Variants in SIAE observed in about 807,000 individuals in gnomAD.
The protein encoded by SIAE is sialic acid acetylesterase, also known as sialate O-acetylesterase.
SIAE carries 39 observed loss-of-function variants against 52.6 expected under a neutral mutation model. The ratio of observed to expected loss-of-function variants is 0.74; its 90% confidence interval spans 0.57 to 0.97. The LOEUF (loss-of-function observed/expected upper bound fraction) is 0.97, where lower values mean the gene tolerates loss of function less well. SIAE is among the 50% of genes least tolerant of loss of function. The pLI, the probability that SIAE is intolerant of heterozygous loss-of-function variation, is 0.00. For missense variants in SIAE, 592 were observed against 662.1 expected, an observed-to-expected ratio of 0.89 and a Z score of 1.16; for synonymous variants, 233 against 241.4, an observed-to-expected ratio of 0.97 and a Z score of 0.32.
Position 124,638,622 on chromosome 11 carries a change from G to T in SIAE, c.1240C>A (p.Leu414Ile), listed in dbSNP as rs761097909. Residue 414 changes from leucine to isoleucine, a missense_variant, in exon 9 of 10, where the codon CTC (leucine) becomes ATC (isoleucine). Transcript: ENST00000263593. Reference sequence around the variant, plus strand: ...TTGAGCAGCCCCTTGTGAGCCAAGAGTTCTATCTTCTCAGGCAGTGGTCCT... The same window carrying T: ...TTGAGCAGCCCCTTGTGAGCCAAGATTTCTATCTTCTCAGGCAGTGGTCCT... ...FEGPLPEKIELLAHKGLLNLT... is the reference protein window; with the variant it reads ...FEGPLPEKIEILAHKGLLNLT... 5 of 1,614,034 alleles carry T rather than the reference G, an allele frequency of 3.1e-6. No homozygotes were observed. Among genetic ancestry groups the T allele is most frequent in the Middle Eastern group, 3.3e-4 (2 of 6,084 alleles).
chr11:124,671,422 A>G (rs1943353760), intron 1 of SIAE, among the ~76,000 whole-genome samples: 1 of 152,218 alleles, frequency 6.6e-6, no homozygotes, highest in Non-Finnish European at 1.5e-5. Flanking sequence ...CTTCCATTCT[A>G]CTAGAGACTT....
At chr11:124,669,212 C>A (rs1322192896) in intron 2 of SIAE, 148 bp downstream of exon 2, 5 of 1,092,968 alleles carry the variant, frequency 4.6e-6, no homozygotes, top group Admixed American at 1.9e-5. Flanking sequence ...AAGCACATGG[C>A]AAATATTCAA....
intron 3 of SIAE, 56 bp downstream of exon 3, chr11:124,660,569 CCTT>C: frequency 1.3e-6 from 2 of 1,584,738 alleles, no homozygotes; most frequent in Non-Finnish European, 1.7e-6. Flanking sequence ...CCTTATTCCT[CCTT>C]CTTTTCCTTC....
chr11:124,658,359 T>C (rs1943132094), intron 3 of SIAE, among the ~76,000 whole-genome samples: 1 of 151,048 alleles, frequency 6.6e-6, no homozygotes, highest in African/African-American at 2.4e-5. Context: ...AGGAGATAAC[T>C]ATTAAAAAAA....
intron 3 of SIAE, 148 bp from the exon 4 acceptor site, chr11:124,654,941 C>G: frequency 1.2e-6 from 1 of 859,804 alleles, no homozygotes; most frequent in Admixed American, 1.9e-5. Context: ...ACTGAATCAC[C>G]TTGATCCACT....
chr11:124,639,815 C>T lies in SIAE; in HGVS notation c.1019G>A (p.Arg340His), dbSNP rs771710413. ...KSSDDGFPQI[R>H]WHQTADFGYV... ...GCCGAAGTCTGCTGTTTGATGCCAA[C>T]GGATCTGGGGAAATCCATCGTCTGA... Residue 340 changes from arginine to histidine, a missense_variant, in exon 8 of 10, where the codon CGT becomes CAT. Arg to His is a conservative substitution (Grantham distance 29). Coordinates refer to ENST00000263593, the MANE Select transcript of SIAE (RefSeq NM_170601.5). 38 of 1,614,088 alleles carry T rather than the reference C, an allele frequency of 2.4e-5. No individual in the cohort carries two copies. The highest frequency in any genetic ancestry group is 5.3e-5 in the African/African-American group (4 of 74,926).
At chr11:124,643,865 G>T (rs993627492) in intron 7 of SIAE, among the ~76,000 whole-genome samples, 75 of 151,420 alleles carry the variant, frequency 5.0e-4, no homozygotes, top group African/African-American at 1.6e-3. Context: ...ATTTTTTTTT[G>T]ACTCCATTTC....
Position 124,638,620 on chromosome 11 carries a change from G to A in SIAE, c.1242C>T (p.Leu414=), listed in dbSNP as rs775630164. The A allele has an allele frequency of 7.4e-6, 12 of 1,614,034 alleles. No individual in the cohort carries two copies. The highest frequency in any genetic ancestry group is 3.3e-4 in the Middle Eastern group (2 of 6,084). ...FEGPLPEKIE[L]LAHKGLLNLT... ...GATTGAGCAGCCCCTTGTGAGCCAA[G>A]AGTTCTATCTTCTCAGGCAGTGGTC... Residue 414 remains leucine (L), a synonymous_variant, in exon 9 of 10, where the codon CTC becomes CTT. Transcript: ENST00000263593.
At chr11:124,668,561 G>T (rs1943303239) in intron 2 of SIAE, among the ~76,000 whole-genome samples, 2 of 152,200 alleles carry the variant, frequency 1.3e-5, no homozygotes, top group African/African-American at 4.8e-5. Context: ...GCACTTGTGT[G>T]CCAGGCACTG....
At chr11:124,652,854 C>T (rs932253346) in intron 4 of SIAE, among the ~76,000 whole-genome samples, 5 of 151,996 alleles carry the variant, frequency 3.3e-5, no homozygotes, top group Non-Finnish European at 7.4e-5. Flanking sequence ...CGAACACTTC[C>T]TATTGCCTCC....
upstream of SIAE, chr11:124,675,673 G>A: frequency 6.1e-6 from 2 of 328,026 alleles, no homozygotes; most frequent in South Asian, 3.9e-5. Context: ...CAGCGTGGAA[G>A]GTAACTGCAA....
At chr11:124,673,814 G>A (rs1036142782), upstream of SIAE, 3 of 1,329,288 alleles carry the variant, frequency 2.3e-6, no homozygotes, top group Non-Finnish European at 3.2e-6. Context: ...AGTCCTCGCA[G>A]CCTCCCGCGA....
At position 124,635,315 on chromosome 11, in the gene SIAE, G is replaced by A. The variant is rs570141140; in HGVS notation, c.*1636C>T. 3 of 152,332 alleles carry A rather than the reference G, an allele frequency of 2.0e-5. No homozygotes were observed. In the South Asian group the frequency reaches 6.2e-4, roughly 32 times the overall value. 9.4% of individuals were successfully genotyped at this position (152,332 alleles called of 1,614,324 possible). A position where few individuals can be genotyped will look rare whatever the true frequency, so the allele number is the denominator to read the frequency against. On this transcript the variant is annotated 3_prime_UTR_variant, in exon 10 of 10. Transcript: ENST00000263593. ...AACTGAACGAGTTGAATGCTAGGAAGTCCTCAGGGGAGCCAACGTTCCTTG... is the reference window on the plus strand; with the variant it reads ...AACTGAACGAGTTGAATGCTAGGAAATCCTCAGGGGAGCCAACGTTCCTTG...
In SIAE at chr11:124,673,697, C is replaced by T; in HGVS notation, c.12G>A (p.Pro4=). The T allele has an allele frequency of 6.2e-7, 1 of 1,613,594 alleles. No homozygotes were observed. Among genetic ancestry groups the T allele is most frequent in the Non-Finnish European group, 8.5e-7 (1 of 1,179,790 alleles). The change falls in exon 1 of 10, where the codon CCG becomes CCA. Residue 4 remains proline (P), a synonymous_variant. Transcript: ENST00000263593. MVA[P]GLVLGLVLPL... is the part of the protein sequence containing the mutation. ...GCAGCACCAGCCCGAGTACAAGCCCCGGCGCGACCATGCTTGCAAGGATCT... is the reference window on the plus strand; with the variant it reads ...GCAGCACCAGCCCGAGTACAAGCCCTGGCGCGACCATGCTTGCAAGGATCT...
intron 7 of SIAE, among the ~76,000 whole-genome samples, chr11:124,644,351 GAGAAAAAAA>G (rs1942896775): frequency 1.0e-5 from 1 of 98,994 alleles, no homozygotes; most frequent in Admixed American, 1.2e-4. Flanking sequence ...AGTCTGTGGT[GAGAAAAAAA>G]AAAAAAAAAA....
intron 7 of SIAE, among the ~76,000 whole-genome samples, chr11:124,641,281 C>A (rs939107703): frequency 3.3e-5 from 5 of 152,154 alleles, no homozygotes; most frequent in Admixed American, 2.0e-4. Context: ...AAATGGGCAT[C>A]AAAAATATGA....
chr11:124,636,882 T>C lies in SIAE; in HGVS notation c.*69A>G, dbSNP rs1234038329. 2 of 1,605,564 alleles carry C rather than the reference T, an allele frequency of 1.2e-6. No homozygotes were observed. Among genetic ancestry groups the C allele is most frequent in the Admixed American group, 1.7e-5 (1 of 60,004 alleles). On this transcript the variant is annotated 3_prime_UTR_variant, in exon 10 of 10. Transcript: ENST00000263593. Reference sequence around the variant, plus strand: ...TTTCCTTTAAAAGCAATGGTTATTATTGAAACTCCTAAATGCTAAAATCTG... The same window carrying C: ...TTTCCTTTAAAAGCAATGGTTATTACTGAAACTCCTAAATGCTAAAATCTG...
At chr11:124,640,460 G>A (rs1354255901) in intron 7 of SIAE, among the ~76,000 whole-genome samples, 1 of 152,114 alleles carries the variant, frequency 6.6e-6, no homozygotes, top group Non-Finnish European at 1.5e-5. Context: ...AGCCCTACCT[G>A]GCCAACCCAA....
In SIAE at chr11:124,660,762, G is replaced by T; in HGVS notation, c.271C>A (p.Pro91Thr). The T allele has an allele frequency of 6.2e-7, 1 of 1,614,126 alleles. No individual in the cohort carries two copies. The highest frequency in any genetic ancestry group is 1.3e-5 in the African/African-American group (1 of 75,020). The change falls in exon 3 of 10, where the codon CCT becomes ACT. Residue 91 changes from proline to threonine, a missense_variant. Transcript: ENST00000263593. ...TWMVVLDPMK[P>T]GGPFEVMAQQ... is the part of the protein sequence containing the mutation. Reference sequence around the variant, plus strand: ...GCCATCACTTCGAAAGGTCCTCCAGGCTTCATAGGATCCAGTACCACCATC... The same window carrying T: ...GCCATCACTTCGAAAGGTCCTCCAGTCTTCATAGGATCCAGTACCACCATC...
Sources: allele counts gnomAD v4.1 joint callset (sites outside exome capture counted in the v4.1 genomes callset), GRCh38; gene constraint gnomAD v4.1.1; transcripts MANE v1.5; gene names NCBI Gene and HGNC (gene_info 2026-07-23, HGNC 2026-07-21).